The following SLC14A2 variants were observed in gnomAD, a reference collection of about 807,000 sequenced individuals.
SLC14A2 encodes the protein urea transporter 2.
In SLC14A2, 91 loss-of-function variants were observed where a neutral mutation model predicts 104.6. The observed-to-expected ratio is 0.87, with a 90% CI of 0.73 to 1.04. The LOEUF is 1.04. Ranked by LOEUF, SLC14A2 falls within the 50% of genes least tolerant of loss-of-function variation. The probability of loss-of-function intolerance (pLI) is 0.00; values close to 1 mark genes in which losing one functional copy is unlikely to be tolerated. For missense variants in SLC14A2, 1,189 were observed against 1,156.0 expected (o/e 1.03, Z -0.41); for synonymous variants, 476 against 466.4 (o/e 1.02, Z -0.27).
intron 1 of SLC14A2, among the ~76,000 whole-genome samples, chr18:45,260,387 C>T (rs2084523487): frequency 6.6e-6 from 1 of 152,146 alleles, no homozygotes; most frequent in African/African-American, 2.4e-5. Context: ...ATTTGAAGAG[C>T]AAACACTATG....
At chr18:45,504,675 A>T (rs912993739) in intron 2 of SLC14A2, among the ~76,000 whole-genome samples, 1 of 152,214 alleles carries the variant, frequency 6.6e-6, no homozygotes, top group South Asian at 2.1e-4. Flanking sequence ...ATCTTGCATT[A>T]CCCAGTGGAT....
At chr18:45,454,907 C>A (rs1485444839) in intron 1 of SLC14A2, among the ~76,000 whole-genome samples, 2 of 152,128 alleles carry the variant, frequency 1.3e-5, no homozygotes, top group African/African-American at 2.4e-5. Context: ...GTTACTGTAG[C>A]CTTGTAGTAT....
rs376299277 is a variant in SLC14A2, at chr18:45,584,059, CTGTA to C, written c.-34-40566_-34-40563del. ...TGGTTTCACGTAAAGTCTTTGAATTCTGTATGTATTTATACTGCAGTATATGTCA... is the reference window on the plus strand; with the variant it reads ...TGGTTTCACGTAAAGTCTTTGAATTCTGTATTTATACTGCAGTATATGTCA... On this transcript the variant is annotated intron_variant, in intron 2 of 20. Transcript: ENST00000586448. 3.4e-3 allele frequency among the ~76,000 whole-genome samples: 512 copies of C among 152,300 alleles called. 2 individuals carry two copies. The highest frequency in any genetic ancestry group is 0.012 in the African/African-American group (492 of 41,556).
intron 1 of SLC14A2, among the ~76,000 whole-genome samples, chr18:45,422,546 G>A (rs73953194): frequency 0.045 from 6,861 of 152,124 alleles, 349 homozygotes; most frequent in African/African-American, 0.12. Context: ...GGAAGGTTAG[G>A]GACAGAAGAC....
chr18:45,644,616 C>G (rs1247602892), intron 10 of SLC14A2, among the ~76,000 whole-genome samples: 1 of 152,036 alleles, frequency 6.6e-6, no homozygotes, highest in Non-Finnish European at 1.5e-5. Context: ...AGTGGCTGAG[C>G]TAGAGACTAA....
chr18:45,416,577 G>C lies in SLC14A2; in HGVS notation c.-124-66656G>C, dbSNP rs139172156. ...CCTCTTTGGGGAAGAAAACTTTCCA[G>C]TGATCTTTGGTCTTTGTTGTATATG... On this transcript the variant is annotated intron_variant, in intron 1 of 20. Transcript: ENST00000586448. Among the ~76,000 whole-genome samples, 639 of 152,228 alleles carry C rather than the reference G, an allele frequency of 4.2e-3. 25 individuals are homozygous for C. Among genetic ancestry groups the C allele is most frequent in the Admixed American group, 0.04 (611 of 15,284 alleles).
In SLC14A2 at chr18:45,666,952, G is replaced by T; in HGVS notation, c.1575G>T (p.Glu525Asp). Residue 525 changes from glutamate to aspartate, a missense_variant, in exon 13 of 20, where the codon GAG becomes GAT. Physicochemically the swap from Glu to Asp is conservative, Grantham distance 45. Transcript: ENST00000255226. Reference protein sequence around the residue: ...TVELLDLDTMEESSEIKVETN... With the variant: ...TVELLDLDTMDESSEIKVETN... ...CTGGACAGGATCTGGACACCATGGA[G>T]GAGAGCTCTGAGATAAAAGTGGAAA... 1 of 1,614,030 alleles carries T rather than the reference G, an allele frequency of 6.2e-7. No individual in the cohort carries two copies. Among genetic ancestry groups the T allele is most frequent in the Non-Finnish European group, 8.5e-7 (1 of 1,179,912 alleles).
intron 2 of SLC14A2, among the ~76,000 whole-genome samples, chr18:45,574,564 T>C (rs960657184): frequency 6.6e-6 from 1 of 152,196 alleles, no homozygotes; most frequent in Non-Finnish European, 1.5e-5. Flanking sequence ...ACACACTGCC[T>C]CTGCCCTTTG....
intron 2 of SLC14A2, among the ~76,000 whole-genome samples, chr18:45,519,784 C>T (rs1397600633): frequency 6.6e-6 from 1 of 152,230 alleles, no homozygotes; most frequent in Non-Finnish European, 1.5e-5. Context: ...CCGGGATCTG[C>T]TCATCCCCTG....
chr18:45,240,580 G>A (rs1369215619), intron 1 of SLC14A2, among the ~76,000 whole-genome samples: 1 of 151,658 alleles, frequency 6.6e-6, no homozygotes, highest in Non-Finnish European at 1.5e-5. Context: ...TGAGGAAACT[G>A]AGGCACAGAA....
At chr18:45,192,635 TGG>T in the SLC14A2 span, among the ~76,000 whole-genome samples, 8,879 of 141,430 alleles carry the variant, frequency 0.063, 298 homozygotes, top group African/African-American at 0.073. Flanking sequence ...TGTGTGTGTG[TGG>T]TTTTTTTTTG....
At chr18:45,319,054 T>G (rs1168592666) in intron 1 of SLC14A2, among the ~76,000 whole-genome samples, 1 of 152,184 alleles carries the variant, frequency 6.6e-6, no homozygotes, top group Non-Finnish European at 1.5e-5. Context: ...TCCTGCCAGG[T>G]GAGCCTCAGG....
At chr18:45,176,136 G>A in the SLC14A2 span, among the ~76,000 whole-genome samples, 1 of 152,158 alleles carries the variant, frequency 6.6e-6, no homozygotes, top group Non-Finnish European at 1.5e-5. Context: ...AAGAGAATGA[G>A]CTTGCCCACT....
chr18:45,300,268 A>G (rs1323133795), intron 1 of SLC14A2, among the ~76,000 whole-genome samples: 3 of 152,214 alleles, frequency 2.0e-5, no homozygotes, highest in Middle Eastern at 3.4e-3. Context: ...CCATTTTTCA[A>G]CAGGACTAAT....
intron 2 of SLC14A2, among the ~76,000 whole-genome samples, chr18:45,576,307 TCTCA>T (rs2044418151): frequency 1.5e-5 from 2 of 129,624 alleles, no homozygotes; most frequent in Admixed American, 8.6e-5. Context: ...ATGGAGTCTC[TCTCA>T]CTCACTCTGT....
intron 1 of SLC14A2, among the ~76,000 whole-genome samples, chr18:45,456,124 G>T (rs1477500187): frequency 2.0e-5 from 3 of 152,094 alleles, no homozygotes; most frequent in Non-Finnish European, 4.4e-5. Flanking sequence ...CTACCTAAGG[G>T]GTGCTGGTAG....
chr18:45,207,844 T>C, the SLC14A2 span, among the ~76,000 whole-genome samples: 1 of 152,186 alleles, frequency 6.6e-6, no homozygotes, highest in African/African-American at 2.4e-5. Context: ...TAATAATAAC[T>C]AACATTTGCA....
At chr18:45,577,665 A>C (rs1447466118) in intron 2 of SLC14A2, among the ~76,000 whole-genome samples, 1 of 152,150 alleles carries the variant, frequency 6.6e-6, no homozygotes, top group African/African-American at 2.4e-5. Flanking sequence ...CTGACTGTAA[A>C]ATGAAAATGA....
chr18:45,626,873 T>C, intron 3 of SLC14A2, 85 bp from the exon 4 acceptor site: 1 of 970,236 alleles, frequency 1.0e-6, no homozygotes, highest in Non-Finnish European at 1.5e-6. Context: ...CACATTCCTG[T>C]TTGCCTTGGT....
Sources: allele counts gnomAD v4.1 joint callset (sites outside exome capture counted in the v4.1 genomes callset), GRCh38; gene constraint gnomAD v4.1.1; transcripts MANE v1.5; gene names NCBI Gene and HGNC (gene_info 2026-07-23, HGNC 2026-07-21).